TLL2: variants seen among roughly 807,000 people sequenced by gnomAD.
The protein encoded by TLL2 is tolloid like 2.
In TLL2, 106 loss-of-function variants were observed where a neutral mutation model predicts 123.0. That is an observed-to-expected ratio of 0.86 (90% confidence interval 0.74 to 1.01). The LOEUF (loss-of-function observed/expected upper bound fraction) is 1.01. Ranked by LOEUF, TLL2 falls within the 50% of genes least tolerant of loss-of-function variation. TLL2 has a pLI of 0.00. For synonymous variants in TLL2, 494 were observed against 516.8 expected (o/e 0.96, Z 0.60); for missense variants, 1,332 against 1,336.7 (o/e 1.00, Z 0.06).
Position 96,513,598 on chromosome 10 carries a change from G to A in TLL2, c.88C>T (p.Pro30Ser), listed in dbSNP as rs560218238. 7 of 1,605,306 alleles carry A rather than the reference G, an allele frequency of 4.4e-6. No homozygotes were observed. The East Asian group carries it at 1.6e-4, about 36-fold the overall frequency. The change falls in exon 1 of 21, where the codon CCG becomes TCG. Residue 30 changes from proline to serine, a missense_variant. Coordinates refer to ENST00000357947, the MANE Select transcript of TLL2 (RefSeq NM_012465.4). ...TCTGAGTAGTCTGCGGTGGCGTCCG[G>A]GCGCTCCCCGAGTCCCCCGGCGCCG... is the stretch of plus-strand genomic sequence containing the variant. ...PRGAGGLGER[P>S]DATADYSELD...
Position 96,513,623 on chromosome 10 carries a change from G to C in TLL2, c.63C>G (p.Arg21=). The change falls in exon 1 of 21, where the codon CGC becomes CGG. Residue 21 remains arginine, a synonymous_variant. Transcript: ENST00000357947. ...GGCGCTCCCCGAGTCCCCCGGCGCC[G>C]CGAGGCAGCGGCAGCAGCAGCAGCA... The part of the protein sequence containing the change: ...VSLLLLLPLP[R]GAGGLGERPD... 1 of 1,600,220 alleles carries C rather than the reference G, an allele frequency of 6.2e-7. No homozygotes were observed. Among genetic ancestry groups the C allele is most frequent in the African/African-American group, 1.3e-5 (1 of 74,602 alleles).
Position 96,365,254 on chromosome 10 carries a change from C to T in TLL2, c.*2834G>A, listed in dbSNP as rs1411591216. The T allele has an allele frequency of 6.6e-6, 1 of 152,216 alleles. No homozygotes were observed. Among genetic ancestry groups the T allele is most frequent in the African/African-American group, 2.4e-5 (1 of 41,466 alleles). The allele number at this position is 152,216 out of a possible 1,614,324, so 9.4% of individuals were successfully genotyped here. ...TAAAGTAGAAATAAAAAGGAAACTT[C>T]ACCTTACAGGTAAATACCTCTAAAT... On this transcript the variant is annotated 3_prime_UTR_variant, in exon 21 of 21. Transcript: ENST00000357947.
intron 5 of TLL2, 49 bp downstream of exon 5, chr10:96,428,582 G>A: frequency 2.5e-6 from 3 of 1,211,654 alleles, no homozygotes; most frequent in Non-Finnish European, 3.7e-6. Context: ...CAACACTCAT[G>A]AGCCATCCGA....
intron 9 of TLL2, 85 bp from the exon 10 acceptor site, chr10:96,405,419 G>A (rs7077161): frequency 0.011 from 14,294 of 1,268,828 alleles, 645 homozygotes; most frequent in South Asian, 0.096. Context: ...GTGTTCTCAC[G>A]TTACCCTTTA....
At chr10:96,411,039 C>T (rs1036411396) in intron 8 of TLL2, among the ~76,000 whole-genome samples, 15 of 152,024 alleles carry the variant, frequency 9.9e-5, no homozygotes, top group African/African-American at 3.6e-4. Context: ...GTCAGGAGTT[C>T]GAGACCAGCC....
At chr10:96,477,752 G>T (rs1847273600) in intron 2 of TLL2, among the ~76,000 whole-genome samples, 2 of 152,220 alleles carry the variant, frequency 1.3e-5, no homozygotes, top group South Asian at 4.1e-4. Context: ...AGTCCAGGCA[G>T]TCTGACCCAA....
Position 96,422,749 on chromosome 10 carries a change from C to A in TLL2, c.639-22G>T, listed in dbSNP as rs1278228302. 1.9e-6 allele frequency: 3 copies of A among 1,613,628 alleles called. No individual in the cohort carries two copies. The East Asian group carries it at 6.7e-5, about 36-fold the overall frequency. On this transcript the variant is annotated intron_variant, in intron 5 of 20. Coordinates refer to ENST00000357947, the MANE Select transcript of TLL2 (RefSeq NM_012465.4). The stretch of plus-strand genomic sequence containing the variant: ...ACAGCTGGACAATTGCAGGAATACC[C>A]AGGTCAGCAGGTCAGAAGACATTCA...
intron 19 of TLL2, among the ~76,000 whole-genome samples, chr10:96,371,491 C>T (rs1379271825): frequency 6.6e-6 from 1 of 152,244 alleles, no homozygotes; most frequent in Non-Finnish European, 1.5e-5. Flanking sequence ...CCACCTGGCT[C>T]CTAACACTCC....
intron 2 of TLL2, among the ~76,000 whole-genome samples, chr10:96,472,341 C>G (rs1847192005): frequency 6.6e-6 from 1 of 152,166 alleles, no homozygotes; most frequent in African/African-American, 2.4e-5. Flanking sequence ...ACTTGGCAGT[C>G]AGTAGCACTC....
At chr10:96,380,774 C>T (rs1297935831) in intron 16 of TLL2, among the ~76,000 whole-genome samples, 3 of 147,232 alleles carry the variant, frequency 2.0e-5, no homozygotes, top group Non-Finnish European at 4.5e-5. Context: ...AATCCCAGCA[C>T]TTTGGGAGGC....
At chr10:96,397,413 A>ACCCT (rs1846352849) in intron 10 of TLL2, 111 bp from the exon 11 acceptor site, 2 of 709,446 alleles carry the variant, frequency 2.8e-6, no homozygotes, top group Non-Finnish European at 4.7e-6. Context: ...GTGAGCAATA[A>ACCCT]CCCTGGCTGG....
chr10:96,424,311 T>A (rs578037291), intron 5 of TLL2, among the ~76,000 whole-genome samples: 2 of 151,756 alleles, frequency 1.3e-5, no homozygotes, highest in Non-Finnish European at 2.9e-5. Context: ...ACTAAAAGAG[T>A]GTAACTGGAT....
intron 17 of TLL2, among the ~76,000 whole-genome samples, chr10:96,378,244 C>T (rs1846154925): frequency 6.6e-6 from 1 of 152,272 alleles, no homozygotes; most frequent in Admixed American, 6.5e-5. Context: ...CATCTTCCTC[C>T]ACCCTTGACT....
intron 18 of TLL2, 193 bp from the exon 19 acceptor site, chr10:96,374,002 G>A (rs1266153179): frequency 5.1e-6 from 3 of 587,500 alleles, no homozygotes; most frequent in Admixed American, 6.0e-5. Flanking sequence ...CTTGCTTTTG[G>A]TCCAGCAAGT....
At chr10:96,468,246 C>T (rs987682913) in intron 2 of TLL2, among the ~76,000 whole-genome samples, 20 of 152,186 alleles carry the variant, frequency 1.3e-4, no homozygotes, top group African/African-American at 4.6e-4. Context: ...TTTATAACCC[C>T]CTCCCTTAGA....
intron 1 of TLL2, among the ~76,000 whole-genome samples, chr10:96,490,786 A>G (rs1050845689): frequency 6.6e-6 from 1 of 152,246 alleles, no homozygotes; most frequent in African/African-American, 2.4e-5. Flanking sequence ...GGTGTAATCC[A>G]TAGACCAGCA....
intron 19 of TLL2, among the ~76,000 whole-genome samples, chr10:96,371,113 G>A (rs933661201): frequency 1.3e-5 from 2 of 152,170 alleles, no homozygotes; most frequent in African/African-American, 4.8e-5. Context: ...CTTGAGGTCA[G>A]GAGTTTGCGA....
chr10:96,412,070 G>A (rs1057482949), intron 8 of TLL2, among the ~76,000 whole-genome samples: 1 of 152,160 alleles, frequency 6.6e-6, no homozygotes, highest in African/African-American at 2.4e-5. Context: ...GAATAAATAT[G>A]ATGGCATTTC....
chr10:96,448,296 C>A (rs994994316), intron 2 of TLL2, among the ~76,000 whole-genome samples: 1 of 152,200 alleles, frequency 6.6e-6, no homozygotes, highest in Non-Finnish European at 1.5e-5. Flanking sequence ...CATTTCCTCT[C>A]GGGCTAAAGG....
Sources: gnomAD v4.1 joint callset for allele counts (sites outside exome capture counted in the v4.1 genomes callset) on GRCh38, gnomAD v4.1.1 for gene constraint, MANE v1.5 for transcripts, NCBI Gene and HGNC (gene_info 2026-07-23, HGNC 2026-07-21) for gene names.